The following SPTBN2 variants were observed in gnomAD, a reference collection of about 807,000 sequenced individuals.
SPTBN2 encodes spectrin beta, non-erythrocytic 2, also known as spectrin beta chain, non-erythrocytic 2.
Under a neutral mutation model 284.2 loss-of-function variants are expected in SPTBN2, and 107 were observed. The ratio of observed to expected loss-of-function variants is 0.38; its 90% CI spans 0.32 to 0.44. The LOEUF is 0.44. Ranked by LOEUF, SPTBN2 falls within the 20% of genes least tolerant of loss-of-function variation. The pLI, the probability that SPTBN2 is intolerant of heterozygous loss-of-function variation, is 1.00. For missense variants in SPTBN2, 2,569 were observed against 3,287.1 expected (o/e 0.78, Z 5.34); for synonymous variants, 1,289 against 1,354.8 (o/e 0.95, Z 1.07).
In SPTBN2 at chr11:66,688,643, T is replaced by C. The variant is rs779540743; in HGVS notation, c.6231+10A>G. The stretch of plus-strand genomic sequence containing the variant: ...GTTGGAGTGGGCATCCGGGGTCCTG[T>C]GTCCCTCACCGCAGTAAGCTTCTCC... On this transcript the variant is annotated intron_variant, in intron 31 of 37. Coordinates refer to ENST00000533211, the MANE Select transcript of SPTBN2 (RefSeq NM_006946.4). The C allele has an allele frequency of 1.9e-6, 3 of 1,613,756 alleles. No individual in the cohort carries two copies. In the South Asian group the frequency reaches 3.3e-5, roughly 18 times the overall value.
At position 66,707,667 on chromosome 11, in the gene SPTBN2, C is replaced by T. The variant is rs756860153; in HGVS notation, c.1502G>A (p.Arg501His). ...CACGTTGTGCTGCCGAGCGGCGATG[C>T]GCTTGATGTCGTGGTAGCGCTCGGC... ...LAAERYHDIK[R>H]IAARQHNVAR... is the part of the protein sequence containing the mutation. Residue 501 changes from arginine (R) to histidine (H), a missense_variant, in exon 13 of 38, where the codon CGC becomes CAC. This residue lies in a region of SPTBN2 where 1,012 missense variants were observed against 1,248.9 expected (regional missense o/e 0.81). Transcript: ENST00000533211. This position sits in a 1 kb window ranked among gnomAD's most constrained non-coding sequence, Gnocchi z 4.9. 5.0e-6 allele frequency: 8 copies of T among 1,606,960 alleles called. No individual in the cohort carries two copies. The highest frequency in any genetic ancestry group is 1.7e-5 in the Admixed American group (1 of 59,976).
At position 66,686,199 on chromosome 11, in the gene SPTBN2, T is replaced by C. The variant is rs750952127; in HGVS notation, c.6940-95A>G. Reference sequence around the variant, plus strand: ...AAGTGTAAGAGGAGGAGGCAGAAAGTGAGCTGACTGTTTCATGCTATTAGG... The same window carrying C: ...AAGTGTAAGAGGAGGAGGCAGAAAGCGAGCTGACTGTTTCATGCTATTAGG... On this transcript the variant is annotated intron_variant, in intron 37 of 37. Coordinates refer to ENST00000533211, the MANE Select transcript of SPTBN2 (RefSeq NM_006946.4). 19 of 1,424,454 alleles carry C rather than the reference T, an allele frequency of 1.3e-5. No individual in the cohort carries two copies. In the African/African-American group the frequency reaches 2.7e-4, roughly 20 times the overall value. The allele number at this position is 1,424,454 out of a possible 1,614,324, so 88.2% of individuals were successfully genotyped here.
intron 36 of SPTBN2, 44 bp downstream of exon 36, chr11:66,686,950 C>T: frequency 1.9e-6 from 3 of 1,611,906 alleles, no homozygotes; most frequent in Non-Finnish European, 2.5e-6. Context: ...CTGTGTCACT[C>T]CCAACTCTCC....
chr11:66,740,213 G>A (rs1942886502), intron 1 of SPTBN2, among the ~76,000 whole-genome samples: 1 of 152,170 alleles, frequency 6.6e-6, no homozygotes, highest in Non-Finnish European at 1.5e-5. Context: ...AGGAAGAACA[G>A]GAAGTTAGTC....
At chr11:66,737,863 T>C (rs963784151) in intron 1 of SPTBN2, among the ~76,000 whole-genome samples, 4 of 151,604 alleles carry the variant, frequency 2.6e-5, no homozygotes, top group Non-Finnish European at 5.9e-5. Context: ...AGGAAATGAG[T>C]TGAAAAAAAT....
At chr11:66,733,172 A>C (rs1942826074), upstream of SPTBN2, among the ~76,000 whole-genome samples, 1 of 152,140 alleles carries the variant, frequency 6.6e-6, no homozygotes, top group South Asian at 2.1e-4. Flanking sequence ...GACTATTGAA[A>C]GGTTGAAATA....
At chr11:66,744,661 G>C (rs1179838612) in exon 1 of SPTBN2, 28 of 482,116 alleles carry the variant, frequency 5.8e-5, no homozygotes, top group Non-Finnish European at 7.8e-5. Context: ...TCGCGGTCTC[G>C]GGGCCCTGCA....
Position 66,696,308 on chromosome 11 carries a change from G to C in SPTBN2, c.4247C>G (p.Thr1416Ser). Residue 1416 changes from threonine to serine, a missense_variant, in exon 21 of 38, where the codon ACC (threonine) becomes AGC (serine). Transcript: ENST00000533211. ...CTTCTTGAGCAGGATGTTGACGCTGGTGAGGTCCTTGCCGTAGTCATCCGA... is the reference window on the plus strand; with the variant it reads ...CTTCTTGAGCAGGATGTTGACGCTGCTGAGGTCCTTGCCGTAGTCATCCGA... Reference protein sequence around the residue: ...LHSDDYGKDLTSVNILLKKQQ... With the variant: ...LHSDDYGKDLSSVNILLKKQQ... 1 of 1,612,938 alleles carries C rather than the reference G, an allele frequency of 6.2e-7. No individual in the cohort carries two copies.
Position 66,707,101 on chromosome 11 carries a change from G to C in SPTBN2, c.1653+415C>G, listed in dbSNP as rs1941601991. Among the ~76,000 whole-genome samples the C allele has an allele frequency of 6.6e-6, 1 of 152,238 alleles. No individual in the cohort carries two copies. Among genetic ancestry groups the C allele is most frequent in the African/African-American group, 2.4e-5 (1 of 41,466 alleles). On this transcript the variant is annotated intron_variant, in intron 13 of 37. Transcript: ENST00000533211. This position sits in a 1 kb window ranked among gnomAD's most constrained non-coding sequence, Gnocchi z 4.9. ...TTCCTTCTGATCCTGAACACACCAT[G>C]CTGATCCAGGCCGAGGGCCTGTGCC... is the stretch of plus-strand genomic sequence containing the variant.
chr11:66,707,619 C>T lies in SPTBN2; in HGVS notation c.1550G>A (p.Arg517Gln), dbSNP rs780629380. Reference protein sequence around the residue: ...HNVARLWDFLRQMVAARRERL... With the variant: ...HNVARLWDFLQQMVAARRERL... ...CTCCCGCCGGGCGGCCACCATCTGCCGCAAGAAGTCCCAGAGCCGTGCCAC... is the reference window on the plus strand; with the variant it reads ...CTCCCGCCGGGCGGCCACCATCTGCTGCAAGAAGTCCCAGAGCCGTGCCAC... Residue 517 changes from arginine to glutamine, a missense_variant, in exon 13 of 38, where the codon CGG (arginine) becomes CAG (glutamine). Arg to Gln is a conservative substitution (Grantham distance 43). Transcript: ENST00000533211. This position sits in a 1 kb window ranked among gnomAD's most constrained non-coding sequence, Gnocchi z 4.9. 2.4e-5 allele frequency: 39 copies of T among 1,610,744 alleles called. No individual in the cohort carries two copies. The highest frequency in any genetic ancestry group is 4.0e-5 in the African/African-American group (3 of 74,942).
chr11:66,693,395 C>T lies in SPTBN2; in HGVS notation c.4645G>A (p.Glu1549Lys), dbSNP rs1228191843. 6.2e-7 allele frequency: 1 copy of T among 1,601,204 alleles called. No individual in the cohort carries two copies. Among genetic ancestry groups the T allele is most frequent in the African/African-American group, 1.3e-5 (1 of 74,938 alleles). Residue 1549 changes from glutamate to lysine, a missense_variant, in exon 24 of 38, where the codon GAG (glutamate) becomes AAG (lysine). Around this residue, in one of 6 missense-constraint regions of SPTBN2, gnomAD observed 1,130 missense variants for 1,317.3 expected, o/e 0.86. Coordinates refer to ENST00000533211, the MANE Select transcript of SPTBN2 (RefSeq NM_006946.4). This position sits in a 1 kb window ranked among gnomAD's most constrained non-coding sequence, Gnocchi z 5.7. ...GHEPRIADLRERQRALGAAAA... is the reference protein window; with the variant it reads ...GHEPRIADLRKRQRALGAAAA... Reference sequence around the variant, plus strand: ...GCTGCACCTAGAGCACGCTGCCGCTCCCTCAGGTCCGCGATCCGGGGCTCA... The same window carrying T: ...GCTGCACCTAGAGCACGCTGCCGCTTCCTCAGGTCCGCGATCCGGGGCTCA...
intron 20 of SPTBN2, among the ~76,000 whole-genome samples, chr11:66,698,088 G>C (rs1328821223): frequency 6.6e-6 from 1 of 152,180 alleles, no homozygotes; most frequent in East Asian, 1.9e-4. Context: ...CTGGGTGGGA[G>C]ACCAAGAACC....
intron 18 of SPTBN2, 122 bp from the exon 19 acceptor site, chr11:66,699,204 T>C (rs982327488): frequency 7.4e-7 from 1 of 1,352,362 alleles, no homozygotes; most frequent in African/African-American, 1.4e-5. Context: ...ACAATGAGGC[T>C]ACCCAGGAAT....
At position 66,688,057 on chromosome 11, in the gene SPTBN2, ATGG is replaced by A; in HGVS notation, c.6394_6396del (p.Pro2132del). 6.2e-7 allele frequency: 1 copy of A among 1,614,092 alleles called. No homozygotes were observed. The highest frequency in any genetic ancestry group is 8.5e-7 in the Non-Finnish European group (1 of 1,180,002). The stretch of plus-strand genomic sequence containing the variant: ...CCATTAACACTGGGTGCTTGTGTGG[ATGG>A]TGGTGGCCGTGGCTGGGTTCTGGGA... On this transcript the variant is annotated inframe_deletion, in exon 33 of 38. Coordinates refer to ENST00000533211, the MANE Select transcript of SPTBN2 (RefSeq NM_006946.4).
chr11:66,715,454 C>T lies in SPTBN2; in HGVS notation c.310-59G>A. On this transcript the variant is annotated intron_variant, in intron 4 of 37. Coordinates refer to ENST00000533211, the MANE Select transcript of SPTBN2 (RefSeq NM_006946.4). This position sits in a 1 kb window ranked among gnomAD's most constrained non-coding sequence, Gnocchi z 5.3. ...TGTGGGCTTCCACCTTCTTCCCCAG[C>T]CTTCACAGGGCCCAGCTTTGCACAC... 6.4e-7 allele frequency: 1 copy of T among 1,567,008 alleles called. No homozygotes were observed. Among genetic ancestry groups the T allele is most frequent in the Non-Finnish European group, 8.7e-7 (1 of 1,153,502 alleles).
Position 66,688,688 on chromosome 11 carries a change from C to T in SPTBN2, c.6196G>A (p.Glu2066Lys), listed in dbSNP as rs1248725495. Residue 2066 changes from glutamate (E) to lysine (K), a missense_variant, in exon 31 of 38, where the codon GAG becomes AAG. Glu to Lys is a moderately conservative substitution (Grantham distance 56, BLOSUM62 1). This residue lies in a region of SPTBN2 where 1,130 missense variants were observed against 1,317.3 expected (regional missense o/e 0.86). Transcript: ENST00000533211. ...EAFQKSAVAW[E>K]ERFCALEKLT... ...TTCTCCAGCGCACAGAATCGCTCCT[C>T]CCAGGCCACTGCTGACTTCTGGAAG... is the stretch of plus-strand genomic sequence containing the variant. 1 of 1,613,894 alleles carries T rather than the reference C, an allele frequency of 6.2e-7. No homozygotes were observed. Among genetic ancestry groups the T allele is most frequent in the South Asian group, 1.1e-5 (1 of 91,088 alleles).
At chr11:66,721,904 G>A (rs1942422016) in intron 1 of SPTBN2, among the ~76,000 whole-genome samples, 1 of 152,054 alleles carries the variant, frequency 6.6e-6, no homozygotes, top group African/African-American at 2.4e-5. Context: ...AAAATTAGCT[G>A]GGCGTAGTGG....
intron 1 of SPTBN2, among the ~76,000 whole-genome samples, chr11:66,737,434 T>C (rs1942861732): frequency 6.6e-6 from 1 of 152,156 alleles, no homozygotes; most frequent in Non-Finnish European, 1.5e-5. Flanking sequence ...AAGTTAACAA[T>C]TACACTCCTG....
At chr11:66,704,555 C>G (rs1374648522) in intron 15 of SPTBN2, 43 bp downstream of exon 15, 7 of 1,581,922 alleles carry the variant, frequency 4.4e-6, no homozygotes, top group Admixed American at 3.5e-5. Context: ...CCCCCCACCC[C>G]CACCTCCCAA....
Sources: allele counts gnomAD v4.1 joint callset (sites outside exome capture counted in the v4.1 genomes callset), GRCh38; gene constraint gnomAD v4.1.1; regional missense constraint gnomAD v4.1.1; non-coding constraint Gnocchi (gnomAD v3.1); transcripts MANE v1.5; gene names NCBI Gene and HGNC (gene_info 2026-07-23, HGNC 2026-07-21).